NELL1: variants seen among roughly 807,000 people sequenced by gnomAD.
NELL1 encodes the protein protein kinase C-binding protein NELL1.
A neutral mutation model predicts 107.4 loss-of-function variants in NELL1; 76 were observed. That is an observed-to-expected ratio of 0.71 (90% CI 0.59 to 0.86). NELL1 has a LOEUF of 0.86. NELL1 is among the 40% of genes least tolerant of loss of function. The pLI is 0.00. For missense variants in NELL1, 1,024 were observed against 1,005.5 expected (o/e 1.02, Z -0.25); for synonymous variants, 353 against 341.2 (o/e 1.03, Z -0.38).
intron 3 of NELL1, among the ~76,000 whole-genome samples, chr11:20,822,877 C>T (rs1386770393): frequency 6.6e-6 from 1 of 152,144 alleles, no homozygotes; most frequent in Non-Finnish European, 1.5e-5. Flanking sequence ...GTAAGATAGA[C>T]TGAATGAATG....
intron 14 of NELL1, among the ~76,000 whole-genome samples, chr11:21,270,927 G>A (rs1489709784): frequency 1.3e-5 from 2 of 151,740 alleles, no homozygotes; most frequent in African/African-American, 4.8e-5. Context: ...GTAACCTATG[G>A]GTCAAAACAG....
chr11:20,688,142 G>A (rs977248266), intron 2 of NELL1, among the ~76,000 whole-genome samples: 3 of 151,978 alleles, frequency 2.0e-5, no homozygotes, highest in East Asian at 1.9e-4. Flanking sequence ...CATAGTTTTC[G>A]TAGTAGAATT....
chr11:21,237,507 A>G (rs971134334), intron 14 of NELL1, among the ~76,000 whole-genome samples: 1 of 152,016 alleles, frequency 6.6e-6, no homozygotes, highest in Non-Finnish European at 1.5e-5. Flanking sequence ...TTCTCTTGTT[A>G]GAATGCCCAC....
intron 15 of NELL1, among the ~76,000 whole-genome samples, chr11:21,438,486 A>C (rs1258295381): frequency 6.6e-6 from 1 of 152,072 alleles, no homozygotes; most frequent in Non-Finnish European, 1.5e-5. Context: ...AGCTTTCTGT[A>C]TCTGAATGTC....
In NELL1 at chr11:21,413,366, T is replaced by G. The variant is rs150045403; in HGVS notation, c.1645+42418T>G. Among the ~76,000 whole-genome samples the G allele has an allele frequency of 9.3e-3, 1,413 of 152,034 alleles. 15 individuals are homozygous for G. Among genetic ancestry groups the G allele is most frequent in the Non-Finnish European group, 0.015 (995 of 67,944 alleles). Reference sequence around the variant, plus strand: ...GGGTGCTGGGGGTGGGGGGGAGATATAGTAAATGTGGGCTTCAGCATCTAC... The same window carrying G: ...GGGTGCTGGGGGTGGGGGGGAGATAGAGTAAATGTGGGCTTCAGCATCTAC... On this transcript the variant is annotated intron_variant, in intron 15 of 19. Coordinates refer to ENST00000357134, the MANE Select transcript of NELL1 (RefSeq NM_006157.5).
intron 15 of NELL1, 60 bp from the exon 16 acceptor site, chr11:21,534,314 G>A: frequency 1.3e-6 from 2 of 1,599,278 alleles, no homozygotes; most frequent in Non-Finnish European, 1.7e-6. Context: ...GGCATTTCCT[G>A]AAAGGTTAGT....
At chr11:21,200,054 A>T (rs572413403) in intron 13 of NELL1, among the ~76,000 whole-genome samples, 1 of 152,254 alleles carries the variant, frequency 6.6e-6, no homozygotes, top group East Asian at 1.9e-4. Flanking sequence ...ATTGATGGGC[A>T]TTTGGGTTGG....
chr11:21,507,821 A>T (rs1855325281), intron 15 of NELL1, among the ~76,000 whole-genome samples: 1 of 150,228 alleles, frequency 6.7e-6, no homozygotes, highest in Non-Finnish European at 1.5e-5. Context: ...TCACTCTGTC[A>T]CCAGGCTGGA....
intron 13 of NELL1, among the ~76,000 whole-genome samples, chr11:21,114,262 C>T (rs564375386): frequency 5.9e-5 from 9 of 151,980 alleles, no homozygotes; most frequent in African/African-American, 2.2e-4. Flanking sequence ...GTTGGAGTAG[C>T]GCTGGTTTTA....
intron 12 of NELL1, among the ~76,000 whole-genome samples, chr11:21,003,391 T>G (rs963940194): frequency 6.6e-6 from 1 of 152,138 alleles, no homozygotes; most frequent in Non-Finnish European, 1.5e-5. Flanking sequence ...AACAATGCAA[T>G]GGTTACTAAA....
At chr11:21,274,272 A>G (rs1300725829) in intron 14 of NELL1, among the ~76,000 whole-genome samples, 1 of 152,214 alleles carries the variant, frequency 6.6e-6, no homozygotes, top group African/African-American at 2.4e-5. Flanking sequence ...GATAAAACAG[A>G]CTTTAAACCA....
chr11:21,030,289 T>C (rs114663112), intron 12 of NELL1, among the ~76,000 whole-genome samples: 1 of 152,188 alleles, frequency 6.6e-6, no homozygotes, highest in Non-Finnish European at 1.5e-5. Flanking sequence ...CCTTGTCACA[T>C]TGAGAAGATA....
chr11:21,059,360 C>T (rs956963104), intron 12 of NELL1, among the ~76,000 whole-genome samples: 26 of 151,172 alleles, frequency 1.7e-4, no homozygotes, highest in African/African-American at 6.3e-4. Context: ...CTGACCGGAA[C>T]CTTGGGATTT....
At chr11:20,845,418 C>T (rs1848686410) in intron 3 of NELL1, among the ~76,000 whole-genome samples, 2 of 152,094 alleles carry the variant, frequency 1.3e-5, no homozygotes, top group Admixed American at 1.3e-4. Context: ...TTAATGATTC[C>T]AGCAGGTGAC....
At chr11:21,355,117 G>A (rs1850903053) in intron 14 of NELL1, among the ~76,000 whole-genome samples, 1 of 152,142 alleles carries the variant, frequency 6.6e-6, no homozygotes, top group African/African-American at 2.4e-5. Context: ...CTTGAATTTT[G>A]CATGTTAAAA....
intron 13 of NELL1, among the ~76,000 whole-genome samples, chr11:21,138,291 A>G (rs1855789186): frequency 6.6e-6 from 1 of 152,182 alleles, no homozygotes; most frequent in Non-Finnish European, 1.5e-5. Context: ...CTAAATGTGA[A>G]GTTCCATCAT....
chr11:21,072,071 A>G (rs1388458159), intron 12 of NELL1, among the ~76,000 whole-genome samples: 1 of 152,152 alleles, frequency 6.6e-6, no homozygotes, highest in Non-Finnish European at 1.5e-5. Flanking sequence ...TATATGCAGA[A>G]GAGAATAAAT....
At chr11:20,942,979 C>A (rs1323541253) in intron 10 of NELL1, among the ~76,000 whole-genome samples, 1 of 151,950 alleles carries the variant, frequency 6.6e-6, no homozygotes, top group Non-Finnish European at 1.5e-5. Flanking sequence ...ATTTGAATGC[C>A]AGCTTATTTA....
chr11:21,440,008 A>G (rs1195999530), intron 15 of NELL1, among the ~76,000 whole-genome samples: 1 of 152,176 alleles, frequency 6.6e-6, no homozygotes, highest in Admixed American at 6.5e-5. Flanking sequence ...TACCAAGGAA[A>G]GGCATGACTA....
Sources: gnomAD v4.1 joint callset for allele counts (sites outside exome capture counted in the v4.1 genomes callset) on GRCh38, gnomAD v4.1.1 for gene constraint, MANE v1.5 for transcripts, NCBI Gene and HGNC (gene_info 2026-07-23, HGNC 2026-07-21) for gene names.